Variants in ATE1 observed in about 807,000 individuals in gnomAD.
ATE1 encodes the protein arginyl-tRNA--protein transferase 1.
ATE1 carries 36 observed loss-of-function variants against 70.5 expected under a neutral mutation model. The ratio of observed to expected loss-of-function variants is 0.51; its 90% CI spans 0.39 to 0.67. The LOEUF is 0.67. Among genes scored for constraint, ATE1 ranks in the 30% least tolerant of loss-of-function variants. The pLI, the probability that ATE1 is intolerant of heterozygous loss-of-function variation, is 0.00. For synonymous variants in ATE1, 232 were observed against 219.3 expected, an observed-to-expected ratio of 1.06 and a Z score of -0.51; for missense variants, 593 against 629.5, an observed-to-expected ratio of 0.94 and a Z score of 0.62.
At chr10:121,823,057 A>T (rs910580762) in intron 10 of ATE1, among the ~76,000 whole-genome samples, 1 of 152,052 alleles carries the variant, frequency 6.6e-6, no homozygotes, top group Admixed American at 6.6e-5. Context: ...TTGGGAGGCC[A>T]AGGTGGGTGG....
At chr10:121,905,612 C>T (rs939085148) in intron 5 of ATE1, among the ~76,000 whole-genome samples, 13 of 151,946 alleles carry the variant, frequency 8.6e-5, no homozygotes, top group Non-Finnish European at 1.5e-4. Flanking sequence ...AAGGCCGAGA[C>T]GGGCGGATCA....
intron 11 of ATE1, among the ~76,000 whole-genome samples, chr10:121,747,636 C>A (rs1298790977): frequency 1.3e-5 from 2 of 152,186 alleles, no homozygotes; most frequent in Non-Finnish European, 2.9e-5. Context: ...TCAGCAACAC[C>A]ACTGCCTGTT....
Position 121,746,649 on chromosome 10 carries a change from T to G in ATE1, c.1379-2791A>C, listed in dbSNP as rs550091745. Reference sequence around the variant, plus strand: ...AAAGCCAATGATCAACTTTTCACAGTACATTCACTACAAATTTAATCAAAC... The same window carrying G: ...AAAGCCAATGATCAACTTTTCACAGGACATTCACTACAAATTTAATCAAAC... On this transcript the variant is annotated intron_variant, in intron 11 of 11. Transcript: ENST00000224652. Among the ~76,000 whole-genome samples the G allele has an allele frequency of 4.6e-5, 7 of 152,276 alleles. No individual in the cohort carries two copies. The South Asian group carries it at 1.5e-3, about 32-fold the overall frequency.
chr10:121,862,816 T>TC (rs1263251655), intron 8 of ATE1, among the ~76,000 whole-genome samples: 7 of 152,100 alleles, frequency 4.6e-5, no homozygotes, highest in Admixed American at 4.6e-4. Context: ...CCCTTGCTGT[T>TC]CATTGGCATA....
intron 7 of ATE1, among the ~76,000 whole-genome samples, chr10:121,896,330 A>G (rs1434484082): frequency 2.6e-5 from 4 of 152,240 alleles, no homozygotes; most frequent in Admixed American, 6.5e-5. Context: ...TTATAAAATG[A>G]TATGTCTGAG....
chr10:121,808,140 G>T (rs903921917), intron 10 of ATE1, among the ~76,000 whole-genome samples: 4 of 152,130 alleles, frequency 2.6e-5, no homozygotes, highest in African/African-American at 9.7e-5. Flanking sequence ...TTTCAATAAG[G>T]ATTTATTTAA....
chr10:121,873,367 C>T (rs976244063), intron 7 of ATE1, among the ~76,000 whole-genome samples: 7 of 152,138 alleles, frequency 4.6e-5, no homozygotes, highest in African/African-American at 1.7e-4. Context: ...ACAGTGCTCA[C>T]GCTCCACAGC....
intron 7 of ATE1, among the ~76,000 whole-genome samples, chr10:121,877,890 T>C (rs1395114385): frequency 6.6e-6 from 1 of 152,176 alleles, no homozygotes; most frequent in Non-Finnish European, 1.5e-5. Context: ...CAGGTATATA[T>C]CTAAGAGAAA....
At chr10:121,819,852 A>T (rs1947721243) in intron 10 of ATE1, among the ~76,000 whole-genome samples, 1 of 150,684 alleles carries the variant, frequency 6.6e-6, no homozygotes, top group Non-Finnish European at 1.5e-5. Context: ...AATAAACCAA[A>T]AAAGTAAAAC....
chr10:121,883,143 G>A (rs553926976), intron 7 of ATE1, among the ~76,000 whole-genome samples: 3 of 151,860 alleles, frequency 2.0e-5, no homozygotes, highest in Admixed American at 6.6e-5. Context: ...GCCAATAATC[G>A]ATACTTCCAA....
chr10:121,791,883 C>A (rs1946467106), intron 10 of ATE1, among the ~76,000 whole-genome samples: 1 of 152,202 alleles, frequency 6.6e-6, no homozygotes, highest in Non-Finnish European at 1.5e-5. Flanking sequence ...AAACTCATTA[C>A]AAAGAATACA....
At chr10:121,752,975 A>T (rs1020324372) in intron 11 of ATE1, among the ~76,000 whole-genome samples, 1 of 152,212 alleles carries the variant, frequency 6.6e-6, no homozygotes, top group Non-Finnish European at 1.5e-5. Flanking sequence ...TGATCCATGG[A>T]CATGGGATGT....
At chr10:121,779,249 G>A (rs1399090532) in intron 11 of ATE1, among the ~76,000 whole-genome samples, 1 of 152,124 alleles carries the variant, frequency 6.6e-6, no homozygotes, top group Non-Finnish European at 1.5e-5. Context: ...GGCCTGGTAA[G>A]TTCCCAACCC....
intron 11 of ATE1, among the ~76,000 whole-genome samples, chr10:121,754,204 A>G (rs1944703322): frequency 1.3e-5 from 2 of 152,196 alleles, no homozygotes; most frequent in Non-Finnish European, 2.9e-5. Flanking sequence ...GAGGGCTTAG[A>G]AGCAATGAAA....
intron 11 of ATE1, among the ~76,000 whole-genome samples, chr10:121,770,556 T>G (rs1945469527): frequency 6.6e-6 from 1 of 152,138 alleles, no homozygotes; most frequent in Admixed American, 6.5e-5. Context: ...CTTTTGAGCC[T>G]AAAGACGAAT....
chr10:121,836,706 A>C lies in ATE1; in HGVS notation c.1257+12T>G, dbSNP rs539813347. On this transcript the variant is annotated intron_variant, in intron 10 of 11. Transcript: ENST00000224652. The stretch of plus-strand genomic sequence containing the variant: ...TATAATAAAAATACACATATGTGAA[A>C]ATCAACTTTACCTTATATTTCATCT... The C allele has an allele frequency of 9.6e-6, 14 of 1,450,878 alleles. No individual in the cohort carries two copies. The South Asian group carries it at 1.7e-4, about 17-fold the overall frequency. 89.9% of individuals were successfully genotyped at this position (1,450,878 alleles called of 1,614,324 possible). A position where few individuals can be genotyped will look rare whatever the true frequency, so the allele number is the denominator to read the frequency against.
intron 8 of ATE1, among the ~76,000 whole-genome samples, chr10:121,858,069 T>A (rs1949314317): frequency 6.6e-6 from 1 of 152,220 alleles, no homozygotes; most frequent in South Asian, 2.1e-4. Context: ...ATGTACCATT[T>A]TGTTTATCCA....
intron 8 of ATE1, among the ~76,000 whole-genome samples, chr10:121,851,280 T>A (rs1307378329): frequency 6.6e-6 from 1 of 151,582 alleles, no homozygotes; most frequent in Non-Finnish European, 1.5e-5. Flanking sequence ...AGTAGCCAGG[T>A]GTGGTGGCAC....
chr10:121,749,726 T>G (rs1008056595), intron 11 of ATE1, among the ~76,000 whole-genome samples: 1 of 152,172 alleles, frequency 6.6e-6, no homozygotes, highest in African/African-American at 2.4e-5. Flanking sequence ...CAGCCCCCCA[T>G]GCAGAACCCT....
Sources: allele counts gnomAD v4.1 joint callset (sites outside exome capture counted in the v4.1 genomes callset), GRCh38; gene constraint gnomAD v4.1.1; transcripts MANE v1.5; gene names NCBI Gene and HGNC (gene_info 2026-07-23, HGNC 2026-07-21).